SH2B3: variants seen among roughly 807,000 people sequenced by gnomAD.
The protein encoded by SH2B3 is SH2B adapter protein 3.
Under a neutral mutation model 51.9 loss-of-function variants are expected in SH2B3, and 43 were observed. The observed-to-expected ratio is 0.83, with a 90% CI of 0.65 to 1.07. The LOEUF (loss-of-function observed/expected upper bound fraction) is 1.07, where lower values mean the gene tolerates loss of function less well. SH2B3 is among the 50% of genes least tolerant of loss of function. The pLI, the probability that SH2B3 is intolerant of heterozygous loss-of-function variation, is 0.00. For synonymous variants in SH2B3, 396 were observed against 376.0 expected (o/e 1.05, Z -0.62); for missense variants, 952 against 834.3 (o/e 1.14, Z -1.74).
intron 2 of SH2B3, among the ~76,000 whole-genome samples, chr12:111,440,602 T>G (rs904400780): frequency 1.3e-5 from 2 of 152,234 alleles, no homozygotes; most frequent in Non-Finnish European, 2.9e-5. Context: ...GCCCCTGTTG[T>G]CTTCTAGCCT....
At chr12:111,440,824 C>G (rs978555624) in intron 2 of SH2B3, among the ~76,000 whole-genome samples, 5 of 152,212 alleles carry the variant, frequency 3.3e-5, no homozygotes, top group Non-Finnish European at 7.3e-5. Flanking sequence ...CTCAGGAGGG[C>G]TGCCCAGGGA....
chr12:111,436,591 G>A (rs1303160508), intron 2 of SH2B3, among the ~76,000 whole-genome samples: 1 of 152,140 alleles, frequency 6.6e-6, no homozygotes, highest in Admixed American at 6.5e-5. Context: ...TTGCTGCTGG[G>A]GACTCTGGGC....
chr12:111,419,844 T>C (rs906567979), intron 2 of SH2B3, among the ~76,000 whole-genome samples: 1 of 152,222 alleles, frequency 6.6e-6, no homozygotes, highest in African/African-American at 2.4e-5. Context: ...CCCTTTTCTG[T>C]TCCAGCTCGC....
chr12:111,447,854 G>A, intron 7 of SH2B3, 27 bp downstream of exon 7: 6 of 1,606,288 alleles, frequency 3.7e-6, no homozygotes, highest in Non-Finnish European at 5.1e-6. Flanking sequence ...CTTTGCTGAA[G>A]GGGGTGGCTG....
rs767867107 is a variant in SH2B3 at position 111,448,140 on chromosome 12, C to T, written c.1566C>T (p.Pro522=). 1.4e-5 allele frequency: 22 copies of T among 1,614,064 alleles called. No homozygotes were observed. The highest frequency in any genetic ancestry group is 4.0e-5 in the African/African-American group (3 of 74,924). Residue 522 remains proline, a synonymous_variant, in exon 8 of 8, where the codon CCC becomes CCT. Coordinates refer to ENST00000341259, the MANE Select transcript of SH2B3 (RefSeq NM_005475.3). ...GTCTCCCAGGGCGATCCTCACCCCC[C>T]GAGCAGATCTTCCACCTGGTGCCTT... ...PEGLPGRSSP[P]EQIFHLVPSP...
chr12:111,442,745 G>A (rs1427414267), intron 2 of SH2B3, among the ~76,000 whole-genome samples: 1 of 152,230 alleles, frequency 6.6e-6, no homozygotes. Context: ...GGTGGCTTCT[G>A]GGGGCTGCTG....
At chr12:111,422,166 G>A (rs1189892455) in intron 2 of SH2B3, among the ~76,000 whole-genome samples, 2 of 152,150 alleles carry the variant, frequency 1.3e-5, no homozygotes. Flanking sequence ...TGCAACCTCC[G>A]TCTCCTGGGT....
chr12:111,417,050 GGT>G (rs148153752), intron 1 of SH2B3, among the ~76,000 whole-genome samples: 2,201 of 152,216 alleles, frequency 0.014, 63 homozygotes, highest in African/African-American at 0.05. Flanking sequence ...GATTGTCTAG[GGT>G]GTCTTGTTCT....
chr12:111,437,650 G>C (rs1226351830), intron 2 of SH2B3, among the ~76,000 whole-genome samples: 2 of 152,182 alleles, frequency 1.3e-5, no homozygotes, highest in Non-Finnish European at 2.9e-5. Context: ...GCCAGGCTTG[G>C]GGTCCTGGTG....
intron 1 of SH2B3, among the ~76,000 whole-genome samples, chr12:111,413,718 CAT>C (rs955101428): frequency 6.6e-6 from 1 of 152,238 alleles, no homozygotes; most frequent in African/African-American, 2.4e-5. Flanking sequence ...CTCTTGCATT[CAT>C]ATGTTCATTC....
At chr12:111,421,963 T>G (rs551845992) in intron 2 of SH2B3, among the ~76,000 whole-genome samples, 6 of 152,360 alleles carry the variant, frequency 3.9e-5, no homozygotes, top group Non-Finnish European at 8.8e-5. Context: ...TTAGAGAAAT[T>G]GCCAGACTTT....
At chr12:111,421,401 CTTTTTTTT>C (rs550860498) in intron 2 of SH2B3, among the ~76,000 whole-genome samples, 1 of 90,618 alleles carries the variant, frequency 1.1e-5, no homozygotes. Flanking sequence ...TAGTGTCTTC[CTTTTTTTT>C]TTTTTTTTTT....
At chr12:111,447,247 T>A in intron 5 of SH2B3, 28 bp downstream of exon 5, 1 of 1,594,238 alleles carries the variant, frequency 6.3e-7, no homozygotes, top group Non-Finnish European at 8.6e-7. Flanking sequence ...TAGGCCATTG[T>A]CTTCTGGGTA....
Position 111,409,636 on chromosome 12 carries a change from G to T in SH2B3, c.-28+3359G>T, listed in dbSNP as rs1870527766. 6.6e-6 allele frequency among the ~76,000 whole-genome samples: 1 copy of T among 152,166 alleles called. No homozygotes were observed. The highest frequency in any genetic ancestry group is 2.4e-5 in the African/African-American group (1 of 41,444). On this transcript the variant is annotated intron_variant, in intron 1 of 7. Transcript: ENST00000341259. The surrounding 1 kb of genome is among the most constrained non-coding windows in gnomAD (Gnocchi z 4.0). ...CAGCCGGGGTCACTTGCTGAGTCAGGCCTTATTGGACCCAGGAGTCCTGCA... is the reference window on the plus strand; with the variant it reads ...CAGCCGGGGTCACTTGCTGAGTCAGTCCTTATTGGACCCAGGAGTCCTGCA...
At chr12:111,428,721 G>A (rs1457930388) in intron 2 of SH2B3, among the ~76,000 whole-genome samples, 2 of 152,182 alleles carry the variant, frequency 1.3e-5, no homozygotes, top group Non-Finnish European at 2.9e-5. Flanking sequence ...GGGTCTGCAG[G>A]GGAGGCAGAG....
In SH2B3 at chr12:111,450,364, T is replaced by C. The variant is rs947367249; in HGVS notation, c.*2062T>C. Reference sequence around the variant, plus strand: ...CAAGCAGCTTTCTCTGGAAAATGAATGCTAATTAGTGTGAACCAAAAGAGT... The same window carrying C: ...CAAGCAGCTTTCTCTGGAAAATGAACGCTAATTAGTGTGAACCAAAAGAGT... On this transcript the variant is annotated 3_prime_UTR_variant, in exon 8 of 8. Coordinates refer to ENST00000341259, the MANE Select transcript of SH2B3 (RefSeq NM_005475.3). The C allele has an allele frequency of 8.5e-5, 13 of 152,358 alleles. No homozygotes were observed. The highest frequency in any genetic ancestry group is 2.9e-4 in the African/African-American group (12 of 41,580). 9.4% of individuals were successfully genotyped at this position (152,358 alleles called of 1,614,324 possible). A position where few individuals can be genotyped will look rare whatever the true frequency, so the allele number is the denominator to read the frequency against.
intron 1 of SH2B3, among the ~76,000 whole-genome samples, chr12:111,412,918 A>G (rs888234401): frequency 1.3e-5 from 2 of 152,096 alleles, no homozygotes; most frequent in Non-Finnish European, 2.9e-5. Flanking sequence ...TTTCCTGATC[A>G]TTGGTGGGTT....
At chr12:111,415,364 C>G (rs903350811) in intron 1 of SH2B3, among the ~76,000 whole-genome samples, 1 of 152,154 alleles carries the variant, frequency 6.6e-6, no homozygotes, top group Non-Finnish European at 1.5e-5. Flanking sequence ...CACAGAGGTC[C>G]CAACTGTTCT....
intron 1 of SH2B3, among the ~76,000 whole-genome samples, chr12:111,416,635 A>G (rs904576817): frequency 6.6e-6 from 1 of 152,124 alleles, no homozygotes; most frequent in Admixed American, 6.5e-5. Context: ...CTGGGACTAC[A>G]GGCGCCCGCC....
Sources: allele counts gnomAD v4.1 joint callset (sites outside exome capture counted in the v4.1 genomes callset), GRCh38; gene constraint gnomAD v4.1.1; non-coding constraint Gnocchi (gnomAD v3.1); transcripts MANE v1.5; gene names NCBI Gene and HGNC (gene_info 2026-07-23, HGNC 2026-07-21).